TMEM178B: variants seen among roughly 807,000 people sequenced by gnomAD.
TMEM178B encodes transmembrane protein 178B.
A neutral mutation model predicts 31.0 loss-of-function variants in TMEM178B; 5 were observed. The ratio of observed to expected loss-of-function variants is 0.16; its 90% CI spans 0.08 to 0.34. The LOEUF (loss-of-function observed/expected upper bound fraction) is 0.34, where lower values mean the gene tolerates loss of function less well. TMEM178B is among the 10% of genes least tolerant of loss of function. The pLI, the probability that TMEM178B is intolerant of heterozygous loss-of-function variation, is 1.00. For missense variants in TMEM178B, 275 were observed against 400.3 expected, an observed-to-expected ratio of 0.69 and a Z score of 2.67; for synonymous variants, 164 against 164.0, an observed-to-expected ratio of 1.00 and a Z score of 0.00.
intron 2 of TMEM178B, among the ~76,000 whole-genome samples, chr7:141,306,161 A>G (rs1248006094): frequency 6.6e-6 from 1 of 152,230 alleles, no homozygotes; most frequent in Non-Finnish European, 1.5e-5. Context: ...TGTCATTCAT[A>G]TAGCCTAGTC....
At chr7:141,345,185 T>C (rs569763346) in intron 2 of TMEM178B, among the ~76,000 whole-genome samples, 75 of 152,348 alleles carry the variant, frequency 4.9e-4, no homozygotes, top group Non-Finnish European at 9.6e-4. Context: ...GAAGAGACCT[T>C]ACGTTTTAAC....
chr7:141,372,604 A>C (rs1313249451), intron 2 of TMEM178B, among the ~76,000 whole-genome samples: 1 of 151,404 alleles, frequency 6.6e-6, no homozygotes, highest in East Asian at 1.9e-4. Context: ...ATCACATAGA[A>C]CCTCCCTCCT....
At chr7:141,320,915 C>A (rs1781553848) in intron 2 of TMEM178B, among the ~76,000 whole-genome samples, 1 of 152,168 alleles carries the variant, frequency 6.6e-6, no homozygotes, top group African/African-American at 2.4e-5. Context: ...ATCTTGTGAA[C>A]TGCCTGGAGA....
At chr7:141,397,457 C>T (rs1453676417) in intron 2 of TMEM178B, among the ~76,000 whole-genome samples, 1 of 152,204 alleles carries the variant, frequency 6.6e-6, no homozygotes, top group Non-Finnish European at 1.5e-5. Flanking sequence ...AGCCACCAGC[C>T]TCCAACTTAG....
At chr7:141,157,782 A>G (rs376113460) in intron 1 of TMEM178B, among the ~76,000 whole-genome samples, 1 of 152,152 alleles carries the variant, frequency 6.6e-6, no homozygotes. Flanking sequence ...CATCATGGTG[A>G]TAAGATGTTA....
chr7:141,144,292 C>T (rs1247138584), intron 1 of TMEM178B, among the ~76,000 whole-genome samples: 3 of 152,160 alleles, frequency 2.0e-5, no homozygotes, highest in Non-Finnish European at 4.4e-5. Context: ...TCTGTGAATT[C>T]TAGCTGAGTA....
chr7:141,345,700 A>C (rs2116519239), intron 2 of TMEM178B, among the ~76,000 whole-genome samples: 1 of 152,388 alleles, frequency 6.6e-6, no homozygotes, highest in South Asian at 2.1e-4. Context: ...TCTCGAAGAA[A>C]AAAGTTAAAG....
intron 2 of TMEM178B, among the ~76,000 whole-genome samples, chr7:141,256,474 G>A (rs1012718193): frequency 6.6e-6 from 1 of 152,208 alleles, no homozygotes; most frequent in Non-Finnish European, 1.5e-5. Flanking sequence ...CAGGAGACCA[G>A]AGTGGCTGGA....
chr7:141,355,934 T>C (rs779110705), intron 2 of TMEM178B, among the ~76,000 whole-genome samples: 8 of 152,248 alleles, frequency 5.3e-5, no homozygotes, highest in Non-Finnish European at 1.2e-4. Flanking sequence ...GTACCCAGCG[T>C]TCAGCTCCTG....
At chr7:141,150,104 C>A (rs1795942814) in intron 1 of TMEM178B, among the ~76,000 whole-genome samples, 1 of 151,940 alleles carries the variant, frequency 6.6e-6, no homozygotes, top group Non-Finnish European at 1.5e-5. Flanking sequence ...ATGGATGGAG[C>A]AGATTTGGGG....
chr7:141,357,473 G>A (rs1158241474), intron 2 of TMEM178B, among the ~76,000 whole-genome samples: 6 of 152,182 alleles, frequency 3.9e-5, no homozygotes, highest in Non-Finnish European at 7.3e-5. Flanking sequence ...AGCCCTTGCT[G>A]TCATAGCAGG....
chr7:141,457,732 A>G (rs1002165312), intron 3 of TMEM178B, among the ~76,000 whole-genome samples: 1 of 152,228 alleles, frequency 6.6e-6, no homozygotes, highest in African/African-American at 2.4e-5. Context: ...CAACTTGGAT[A>G]TTTACTGCAG....
At chr7:141,369,513 G>C (rs1229948141) in intron 2 of TMEM178B, among the ~76,000 whole-genome samples, 1 of 152,146 alleles carries the variant, frequency 6.6e-6, no homozygotes, top group Non-Finnish European at 1.5e-5. Flanking sequence ...CTGGCCTCCT[G>C]TGTGCTTCCT....
chr7:141,486,358 G>A, the TMEM178B span, among the ~76,000 whole-genome samples: 1 of 152,144 alleles, frequency 6.6e-6, no homozygotes, highest in Non-Finnish European at 1.5e-5. Context: ...GCTAATCAAT[G>A]CATGTAACAA....
rs907610716 is a variant in TMEM178B, at chr7:141,470,974, C to T, written c.*188C>T. 7.3e-5 allele frequency: 14 copies of T among 190,580 alleles called. No homozygotes were observed. The Admixed American group carries it at 8.8e-4, about 12-fold the overall frequency. 11.8% of individuals were successfully genotyped at this position (190,580 alleles called of 1,614,324 possible). ...TGGGGAAAGTTTTTCCATCCTGTGG[C>T]TCTTCCATCAGTTCTTGACTTTTGG... On this transcript the variant is annotated 3_prime_UTR_variant, in exon 4 of 4. Coordinates refer to ENST00000565468, the MANE Select transcript of TMEM178B (RefSeq NM_001195278.2).
intron 2 of TMEM178B, among the ~76,000 whole-genome samples, chr7:141,368,036 GGGCCAGGCA>G (rs1290437383): frequency 2.0e-5 from 3 of 152,112 alleles, no homozygotes; most frequent in Non-Finnish European, 2.9e-5. Flanking sequence ...ATACAAAAAG[GGGCCAGGCA>G]CAGTAGCTCA....
intron 2 of TMEM178B, among the ~76,000 whole-genome samples, chr7:141,433,172 C>T (rs936027405): frequency 2.0e-5 from 3 of 152,348 alleles, no homozygotes; most frequent in African/African-American, 4.8e-5. Context: ...ACGACCCCCT[C>T]GTACCCTGAT....
intron 1 of TMEM178B, among the ~76,000 whole-genome samples, chr7:141,135,954 C>T (rs1314953706): frequency 1.3e-5 from 2 of 151,784 alleles, no homozygotes; most frequent in African/African-American, 2.4e-5. Context: ...AATTGATAAA[C>T]TGCTAGCTAG....
At chr7:141,509,565 G>A in the TMEM178B span, among the ~76,000 whole-genome samples, 2 of 152,126 alleles carry the variant, frequency 1.3e-5, no homozygotes, top group Non-Finnish European at 1.5e-5. Flanking sequence ...TAGCAGAATC[G>A]CATGAACCTG....
Sources: gnomAD v4.1 joint callset for allele counts (sites outside exome capture counted in the v4.1 genomes callset) on GRCh38, gnomAD v4.1.1 for gene constraint, MANE v1.5 for transcripts, NCBI Gene and HGNC (gene_info 2026-07-23, HGNC 2026-07-21) for gene names.